The following TMEM135 variants were observed in gnomAD, a reference collection of about 807,000 sequenced individuals.
The protein encoded by TMEM135 is transmembrane protein 135.
In TMEM135, 30 loss-of-function variants were observed where a neutral mutation model predicts 60.3. The ratio of observed to expected loss-of-function variants is 0.50; its 90% CI spans 0.37 to 0.68. The LOEUF is 0.68. Ranked by LOEUF, TMEM135 falls within the 30% of genes least tolerant of loss-of-function variation. TMEM135 has a pLI of 0.00. For missense variants in TMEM135, 468 were observed against 548.8 expected (o/e 0.85, Z 1.47); for synonymous variants, 190 against 186.7 (o/e 1.02, Z -0.14).
intron 6 of TMEM135, among the ~76,000 whole-genome samples, chr11:87,250,052 G>C (rs1941379275): frequency 6.6e-6 from 1 of 152,048 alleles, no homozygotes; most frequent in Non-Finnish European, 1.5e-5. Flanking sequence ...GTCTAGGAAT[G>C]TATTCATTTC....
chr11:87,272,858 G>A (rs1941896207), intron 6 of TMEM135, among the ~76,000 whole-genome samples: 1 of 152,108 alleles, frequency 6.6e-6, no homozygotes. Flanking sequence ...GATTTTTACA[G>A]TATGTTATTT....
At chr11:87,040,045 G>A (rs1046740847) in intron 1 of TMEM135, among the ~76,000 whole-genome samples, 5 of 152,194 alleles carry the variant, frequency 3.3e-5, no homozygotes, top group African/African-American at 7.2e-5. Context: ...TCCATCTCAT[G>A]TGGCCTTGTA....
At chr11:87,178,885 T>C (rs1012927035) in intron 5 of TMEM135, among the ~76,000 whole-genome samples, 8 of 152,232 alleles carry the variant, frequency 5.3e-5, no homozygotes, top group Admixed American at 2.6e-4. Flanking sequence ...AGAGAAGTCT[T>C]TGGGTTGACA....
intron 6 of TMEM135, 111 bp downstream of exon 6, chr11:87,236,795 T>C (rs1941006434): frequency 5.6e-6 from 6 of 1,071,452 alleles, no homozygotes; most frequent in African/African-American, 1.6e-5. Context: ...ACAAGCAGCA[T>C]ACTCCCCCCG....
intron 6 of TMEM135, among the ~76,000 whole-genome samples, chr11:87,238,966 G>C (rs1941068634): frequency 6.6e-6 from 1 of 151,974 alleles, no homozygotes; most frequent in South Asian, 2.1e-4. Context: ...TTAGTCATCA[G>C]AAGTTTTTGA....
In TMEM135 at chr11:87,185,913, C is replaced by CTTTTTTTTTTTTTTTTT. The variant is rs367985910; in HGVS notation, c.462+28517_462+28518insTTTTTTTTTTTTTTTTT. Among the ~76,000 whole-genome samples the CTTTTTTTTTTTTTTTTT allele has an allele frequency of 2.7e-3, 381 of 138,644 alleles. 5 individuals carry two copies. Among genetic ancestry groups the CTTTTTTTTTTTTTTTTT allele is most frequent in the Non-Finnish European group, 3.4e-3 (218 of 64,348 alleles). The allele number at this position is 138,644 out of a possible 152,430, so 91.0% of individuals were successfully genotyped here. A position where few individuals can be genotyped will look rare whatever the true frequency, so the allele number is the denominator to read the frequency against. On this transcript the variant is annotated intron_variant, in intron 5 of 14. Transcript: ENST00000305494. ...GTTTCAATCTGTTGTAGTTATCCTT[C>CTTTTTTTTTTTTTTTTT]TTTTTTTTTTGTGAGACAGAGGTTC... is the stretch of plus-strand genomic sequence containing the variant.
intron 14 of TMEM135, among the ~76,000 whole-genome samples, chr11:87,319,765 G>A (rs1272715790): frequency 1.3e-5 from 2 of 152,108 alleles, no homozygotes; most frequent in Non-Finnish European, 2.9e-5. Flanking sequence ...CTTGTTGTAA[G>A]TATATGTTCC....
intron 5 of TMEM135, among the ~76,000 whole-genome samples, chr11:87,183,513 T>C (rs749206430): frequency 6.6e-6 from 1 of 152,136 alleles, no homozygotes; most frequent in African/African-American, 2.4e-5. Flanking sequence ...AAATTTAGCT[T>C]TTAATGTTTT....
intron 6 of TMEM135, among the ~76,000 whole-genome samples, chr11:87,260,624 T>C (rs1317023502): frequency 6.6e-6 from 1 of 152,180 alleles, no homozygotes. Flanking sequence ...GTTAGACTGA[T>C]GGAGCTTTTA....
chr11:87,149,201 A>G (rs978937172), intron 4 of TMEM135, among the ~76,000 whole-genome samples: 3 of 152,150 alleles, frequency 2.0e-5, no homozygotes, highest in Non-Finnish European at 2.9e-5. Context: ...TGTCTTGACA[A>G]CTTCTAAACT....
intron 6 of TMEM135, among the ~76,000 whole-genome samples, chr11:87,257,301 A>G (rs180865957): frequency 2.8e-4 from 42 of 152,296 alleles, no homozygotes; most frequent in Non-Finnish European, 4.9e-4. Context: ...TCATTGGGCT[A>G]TGCTATAACT....
intron 5 of TMEM135, among the ~76,000 whole-genome samples, chr11:87,167,778 G>A (rs896089256): frequency 1.7e-4 from 26 of 151,800 alleles, no homozygotes; most frequent in Non-Finnish European, 7.4e-5. Context: ...CCTTTTTTTT[G>A]TTGTGTCTCT....
At chr11:87,314,346 T>G in intron 11 of TMEM135, 125 bp from the exon 12 acceptor site, 1 of 775,960 alleles carries the variant, frequency 1.3e-6, no homozygotes. Flanking sequence ...GGTTTATTAC[T>G]GTCCTTGATT....
At chr11:87,109,893 A>G (rs1205623847) in intron 4 of TMEM135, among the ~76,000 whole-genome samples, 2 of 150,964 alleles carry the variant, frequency 1.3e-5, no homozygotes, top group African/African-American at 2.4e-5. Flanking sequence ...ATTTTTCTTT[A>G]TGTGTTAATT....
At chr11:87,166,343 C>T (rs1007350417) in intron 5 of TMEM135, among the ~76,000 whole-genome samples, 2 of 151,564 alleles carry the variant, frequency 1.3e-5, no homozygotes, top group African/African-American at 4.9e-5. Flanking sequence ...CTTTTGTTGC[C>T]ATTGCTTTTG....
At chr11:87,089,557 A>G (rs1175881467) in intron 3 of TMEM135, among the ~76,000 whole-genome samples, 2 of 150,046 alleles carry the variant, frequency 1.3e-5, no homozygotes, top group East Asian at 3.9e-4. Context: ...AGAAAAAGAA[A>G]AAGAAAAAAA....
intron 7 of TMEM135, 131 bp from the exon 8 acceptor site, chr11:87,302,165 A>G (rs1231167284): frequency 6.2e-6 from 6 of 969,542 alleles, no homozygotes; most frequent in Non-Finnish European, 9.0e-6. Flanking sequence ...GATTTTATGT[A>G]AATTGTGAAA....
chr11:87,217,018 A>G (rs1940517492), intron 5 of TMEM135, among the ~76,000 whole-genome samples: 1 of 152,222 alleles, frequency 6.6e-6, no homozygotes, highest in Non-Finnish European at 1.5e-5. Context: ...CAATGAGGGA[A>G]TAGGTCTTTT....
intron 6 of TMEM135, among the ~76,000 whole-genome samples, chr11:87,246,431 A>G (rs1016121681): frequency 4.6e-5 from 7 of 151,986 alleles, no homozygotes; most frequent in Non-Finnish European, 8.8e-5. Context: ...CTCCTGGATA[A>G]TATCCTGCAG....
Sources: gnomAD v4.1 joint callset for allele counts (sites outside exome capture counted in the v4.1 genomes callset) on GRCh38, gnomAD v4.1.1 for gene constraint, MANE v1.5 for transcripts, NCBI Gene and HGNC (gene_info 2026-07-23, HGNC 2026-07-21) for gene names.